SPP2: variants seen among roughly 807,000 people sequenced by gnomAD.
SPP2 encodes the protein secreted phosphoprotein 2.
Under a neutral mutation model 28.8 loss-of-function variants are expected in SPP2, and 34 were observed. The ratio of observed to expected loss-of-function variants is 1.18; its 90% CI spans 0.90 to 1.57. SPP2 has a LOEUF of 1.57. SPP2 is among the 40% of genes most tolerant of loss of function. The pLI, the probability that SPP2 is intolerant of heterozygous loss-of-function variation, is 0.00. For synonymous variants in SPP2, 96 were observed against 89.4 expected, an observed-to-expected ratio of 1.07 and a Z score of -0.42; for missense variants, 269 against 263.9, an observed-to-expected ratio of 1.02 and a Z score of -0.13.
intron 6 of SPP2, among the ~76,000 whole-genome samples, chr2:234,067,765 C>CAA (rs1693854394): frequency 1.0e-5 from 1 of 99,874 alleles, no homozygotes; most frequent in Non-Finnish European, 1.8e-5. Context: ...CGACAGAGGC[C>CAA]AGACTCCGTC....
chr2:234,055,674 T>A (rs1302373348), intron 2 of SPP2, among the ~76,000 whole-genome samples: 1 of 151,698 alleles, frequency 6.6e-6, no homozygotes, highest in African/African-American at 2.4e-5. Flanking sequence ...TCATTATCCA[T>A]TTATCTGAGA....
chr2:234,073,127 C>T (rs1690830237), intron 7 of SPP2, among the ~76,000 whole-genome samples: 1 of 152,162 alleles, frequency 6.6e-6, no homozygotes, highest in Non-Finnish European at 1.5e-5. Context: ...ACCTCAAGTG[C>T]TCCACCTGCC....
chr2:234,069,153 A>C (rs1370475208), intron 6 of SPP2, among the ~76,000 whole-genome samples: 1 of 151,884 alleles, frequency 6.6e-6, no homozygotes, highest in African/African-American at 2.4e-5. Flanking sequence ...TCCTCAAATC[A>C]TGACAGCTGG....
chr2:234,054,319 G>A (rs1693562752), intron 2 of SPP2, among the ~76,000 whole-genome samples: 1 of 152,184 alleles, frequency 6.6e-6, no homozygotes, highest in Non-Finnish European at 1.5e-5. Flanking sequence ...TGAGGAGTTT[G>A]AGGTCTGTTT....
intron 2 of SPP2, among the ~76,000 whole-genome samples, chr2:234,057,693 TC>T (rs1306146488): frequency 6.6e-6 from 1 of 152,122 alleles, no homozygotes; most frequent in East Asian, 1.9e-4. Flanking sequence ...ACATCAGAAC[TC>T]CCCAGATTTG....
intron 2 of SPP2, among the ~76,000 whole-genome samples, chr2:234,052,148 T>C (rs1299029242): frequency 6.6e-6 from 1 of 152,206 alleles, no homozygotes; most frequent in Non-Finnish European, 1.5e-5. Context: ...CTATGCTTTT[T>C]TTTAGGTGCC....
At position 234,070,033 on chromosome 2, in the gene SPP2, T is replaced by G; in HGVS notation, c.*10+10T>G. The G allele has an allele frequency of 1.9e-6, 3 of 1,604,638 alleles. No homozygotes were observed. Among genetic ancestry groups the G allele is most frequent in the Non-Finnish European group, 2.6e-6 (3 of 1,171,978 alleles). The stretch of plus-strand genomic sequence containing the variant: ...GAGTAACGGCCTTGAGGTAAGAAAA[T>G]GCAGGTGCACACAAGTGTATTTAGA... On this transcript the variant is annotated intron_variant, in intron 7 of 7. Transcript: ENST00000168148.
At chr2:234,063,069 T>C (rs942815866) in intron 4 of SPP2, among the ~76,000 whole-genome samples, 1 of 152,094 alleles carries the variant, frequency 6.6e-6, no homozygotes, top group Non-Finnish European at 1.5e-5. Flanking sequence ...AGAAAGCAGA[T>C]AGAGACTTAA....
At chr2:234,071,958 T>C (rs943356898) in intron 7 of SPP2, among the ~76,000 whole-genome samples, 1 of 152,212 alleles carries the variant, frequency 6.6e-6, no homozygotes, top group Non-Finnish European at 1.5e-5. Context: ...GGCACTGCCA[T>C]TGGTTGTTTC....
intron 3 of SPP2, 22 bp from the exon 4 acceptor site, chr2:234,060,347 C>T (rs765277515): frequency 6.4e-7 from 1 of 1,565,392 alleles, no homozygotes. Context: ...GAAGAGAGAA[C>T]TCACCCCTTT....
At chr2:234,051,596 A>T (rs1461877205) in intron 2 of SPP2, among the ~76,000 whole-genome samples, 1 of 152,224 alleles carries the variant, frequency 6.6e-6, no homozygotes, top group African/African-American at 2.4e-5. Flanking sequence ...TAAGTCTGTG[A>T]TATGCAAGGA....
rs1360284644 is a variant in SPP2, at chr2:234,058,874, A to G, written c.249A>G (p.Leu83=). The G allele has an allele frequency of 1.2e-6, 2 of 1,614,048 alleles. No homozygotes were observed. Among genetic ancestry groups the G allele is most frequent in the South Asian group, 1.1e-5 (1 of 91,074 alleles). ...ATGAGAACAACTTGGTCATGAATTT[A>G]GAGTTCAGCATCCGGGAGACTACAT... ...VLDENNLVMN[L]EFSIRETTCR... Residue 83 remains leucine (L), a synonymous_variant, in exon 3 of 8, where the codon TTA becomes TTG. Coordinates refer to ENST00000168148, the MANE Select transcript of SPP2 (RefSeq NM_006944.3).
chr2:234,054,954 G>T (rs952899403), intron 2 of SPP2, among the ~76,000 whole-genome samples: 2 of 152,078 alleles, frequency 1.3e-5, no homozygotes, highest in Non-Finnish European at 2.9e-5. Flanking sequence ...CAACCTCTTT[G>T]CATTTTTTGG....
intron 2 of SPP2, 62 bp downstream of exon 2, chr2:234,051,157 C>CATTGGAT (rs1693489319): frequency 2.3e-5 from 36 of 1,579,186 alleles, no homozygotes; most frequent in Non-Finnish European, 3.0e-5. Flanking sequence ...TTTGTCAGTT[C>CATTGGAT]ATTGGATATA....
chr2:234,061,451 G>A (rs1693717064), intron 4 of SPP2, among the ~76,000 whole-genome samples: 1 of 152,140 alleles, frequency 6.6e-6, no homozygotes, highest in Non-Finnish European at 1.5e-5. Context: ...ATTTGTTCAT[G>A]TGTAATAGGA....
rs141551068 is a variant in SPP2 at position 234,064,704 on chromosome 2, T to C, written c.445-1829T>C. 3.5e-3 allele frequency among the ~76,000 whole-genome samples: 537 copies of C among 152,298 alleles called. 5 individuals carry two copies. The highest frequency in any genetic ancestry group is 0.012 in the African/African-American group (519 of 41,556). The stretch of plus-strand genomic sequence containing the variant: ...GCGGGAGAGAGACCCCAGTAACAGT[T>C]GTTCTCTATTCCTCATTCCTCCTAA... On this transcript the variant is annotated intron_variant, in intron 4 of 7. Transcript: ENST00000168148.
chr2:234,064,790 T>C (rs1693786379), intron 4 of SPP2, among the ~76,000 whole-genome samples: 1 of 152,262 alleles, frequency 6.6e-6, no homozygotes, highest in Admixed American at 6.5e-5. Context: ...GATCATTTCA[T>C]ACAAATGGAA....
At chr2:234,058,690 C>A in intron 2 of SPP2, 146 bp from the exon 3 acceptor site, 1 of 899,308 alleles carries the variant, frequency 1.1e-6, no homozygotes, top group Non-Finnish European at 1.6e-6. Context: ...AAGAAAGGCA[C>A]GGAACTAGGT....
intron 2 of SPP2, 54 bp downstream of exon 2, chr2:234,051,149 T>C: frequency 6.3e-7 from 1 of 1,594,634 alleles, no homozygotes; most frequent in Non-Finnish European, 8.6e-7. Context: ...GTCTGCCTTT[T>C]GTCAGTTCAT....
Sources: allele counts gnomAD v4.1 joint callset (sites outside exome capture counted in the v4.1 genomes callset), GRCh38; gene constraint gnomAD v4.1.1; transcripts MANE v1.5; gene names NCBI Gene and HGNC (gene_info 2026-07-23, HGNC 2026-07-21).